SOBP: variants seen among roughly 807,000 people sequenced by gnomAD.
SOBP encodes the protein sine oculis-binding protein homolog.
Under a neutral mutation model 53.6 loss-of-function variants are expected in SOBP, and 4 were observed. That is an observed-to-expected ratio of 0.07 (90% confidence interval 0.04 to 0.17). The LOEUF is 0.17. SOBP is among the 10% of genes least tolerant of loss of function. The pLI is 1.00. For missense variants in SOBP, 1,088 were observed against 1,204.7 expected, an observed-to-expected ratio of 0.90 and a Z score of 1.43; for synonymous variants, 584 against 522.6, an observed-to-expected ratio of 1.12 and a Z score of -1.60.
intron 4 of SOBP, among the ~76,000 whole-genome samples, chr6:107,569,744 G>A (rs963851888): frequency 6.6e-6 from 1 of 152,226 alleles, no homozygotes; most frequent in Non-Finnish European, 1.5e-5. Context: ...GTGCAAAGTA[G>A]TGTGCTTTTC....
chr6:107,635,296 C>G lies in SOBP; in HGVS notation c.2452C>G (p.Leu818Val), dbSNP rs1770984213. ...CGCGGACGAGGACCATGCCTATGCT[C>G]TGCGGATGCTGCCCAAGACCGGCTG... is the stretch of plus-strand genomic sequence containing the variant. ...NPADEDHAYALRMLPKTGCVI... is the reference protein window; with the variant it reads ...NPADEDHAYAVRMLPKTGCVI... The change falls in exon 6 of 7, where the codon CTG becomes GTG. Residue 818 changes from leucine to valine, a missense_variant. Physicochemically the swap from Leu to Val is conservative, Grantham distance 32 (BLOSUM62 1). Transcript: ENST00000317357. The surrounding 1 kb of genome is among the most constrained non-coding windows in gnomAD (Gnocchi z 4.5). The G allele has an allele frequency of 1.9e-6, 3 of 1,613,884 alleles. No individual in the cohort carries two copies. The highest frequency in any genetic ancestry group is 2.5e-6 in the Non-Finnish European group (3 of 1,179,994).
chr6:107,499,848 A>G (rs1317976519), intron 1 of SOBP, among the ~76,000 whole-genome samples: 1 of 152,150 alleles, frequency 6.6e-6, no homozygotes, highest in African/African-American at 2.4e-5. Context: ...TTGTTTTATT[A>G]CTGAACATCC....
rs71810335 is a variant in SOBP at position 107,602,568 on chromosome 6, TAA to T, written c.669+15411_669+15412del. Among the ~76,000 whole-genome samples the T allele has an allele frequency of 1.3e-3, 136 of 102,728 alleles. 1 individual carries two copies. In the South Asian group the frequency reaches 0.028, roughly 21 times the overall value. The allele number at this position is 102,728 out of a possible 152,430, so 67.4% of individuals were successfully genotyped here. ...CCTCTGCATAGCAACTAAGCCGCGT[TAA>T]AAAAAAAAAAAAAAAAAGGAAAGGG... is the stretch of plus-strand genomic sequence containing the variant. On this transcript the variant is annotated intron_variant, in intron 5 of 6. Coordinates refer to ENST00000317357, the MANE Select transcript of SOBP (RefSeq NM_018013.4).
chr6:107,570,435 C>T (rs762609496), intron 4 of SOBP, among the ~76,000 whole-genome samples: 3 of 152,220 alleles, frequency 2.0e-5, no homozygotes, highest in Non-Finnish European at 4.4e-5. Flanking sequence ...TCACCACCTT[C>T]CTTGGCTTTA....
At chr6:107,614,428 A>G (rs1012170435) in intron 5 of SOBP, among the ~76,000 whole-genome samples, 35 of 152,148 alleles carry the variant, frequency 2.3e-4, no homozygotes, top group Non-Finnish European at 3.5e-4. Context: ...TTGGGACAAA[A>G]AGGCCAGGGA....
intron 5 of SOBP, among the ~76,000 whole-genome samples, chr6:107,592,610 A>C (rs990118052): frequency 1.3e-5 from 2 of 152,210 alleles, no homozygotes; most frequent in Non-Finnish European, 2.9e-5. Context: ...TAAAATCATG[A>C]TGACACACTG....
At chr6:107,607,980 T>C (rs1786451303) in intron 5 of SOBP, among the ~76,000 whole-genome samples, 1 of 152,216 alleles carries the variant, frequency 6.6e-6, no homozygotes, top group Non-Finnish European at 1.5e-5. Flanking sequence ...AAGGATGGGC[T>C]ACCCACTCAC....
At chr6:107,615,764 A>G (rs929200551) in intron 5 of SOBP, among the ~76,000 whole-genome samples, 21 of 152,160 alleles carry the variant, frequency 1.4e-4, no homozygotes, top group African/African-American at 4.8e-4. Flanking sequence ...AATCAATTCC[A>G]GTTATGGACG....
In SOBP at chr6:107,633,753, G is replaced by T. The variant is rs766299544; in HGVS notation, c.909G>T (p.Pro303=). Residue 303 remains proline, a synonymous_variant, in exon 6 of 7, where the codon CCG becomes CCT. Coordinates refer to ENST00000317357, the MANE Select transcript of SOBP (RefSeq NM_018013.4). The part of the protein sequence containing the change: ...QLLTPDSWNI[P]LTDARRKAPS... ...TCACTCCAGACTCTTGGAATATCCC[G>T]CTAACAGATGCTCGGAGGAAGGCCC... 6.2e-7 allele frequency: 1 copy of T among 1,614,208 alleles called. No individual in the cohort carries two copies. The highest frequency in any genetic ancestry group is 1.3e-5 in the African/African-American group (1 of 75,062).
intron 4 of SOBP, among the ~76,000 whole-genome samples, chr6:107,573,247 G>T (rs115360293): frequency 1.3e-5 from 2 of 152,214 alleles, no homozygotes; most frequent in African/African-American, 4.8e-5. Flanking sequence ...ATTGGCATTT[G>T]CAGTGGGATG....
rs9486660 is a variant in SOBP at position 107,644,551 on chromosome 6, G to A, written c.*3+9082G>A. On this transcript the variant is annotated intron_variant, in intron 6 of 6. Transcript: ENST00000317357. ...GGAGGGGGAAACCCTTTTTCCAAAC[G>A]CAGAATCCATTTAAGCTTTGGAGGT... 2.3e-3 allele frequency among the ~76,000 whole-genome samples: 350 copies of A among 152,196 alleles called. 2 individuals are homozygous for A. Among genetic ancestry groups the A allele is most frequent in the African/African-American group, 8.0e-3 (334 of 41,526 alleles).
In SOBP at chr6:107,634,115, G is replaced by A; in HGVS notation, c.1271G>A (p.Ser424Asn). 6.2e-7 allele frequency: 1 copy of A among 1,605,038 alleles called. No homozygotes were observed. The highest frequency in any genetic ancestry group is 8.5e-7 in the Non-Finnish European group (1 of 1,175,856). Residue 424 changes from serine to asparagine, a missense_variant, in exon 6 of 7, where the codon AGC becomes AAC. Physicochemically the swap from Ser to Asn is conservative, Grantham distance 46 (BLOSUM62 1). Transcript: ENST00000317357. This position sits in a 1 kb window ranked among gnomAD's most constrained non-coding sequence, Gnocchi z 4.5. ...GPPHHASNPNSPLSNPMLPGI... is the reference protein window; with the variant it reads ...GPPHHASNPNNPLSNPMLPGI... Reference sequence around the variant, plus strand: ...CCGCACCATGCCTCCAACCCCAACAGCCCCCTGTCCAACCCCATGCTTCCC... The same window carrying A: ...CCGCACCATGCCTCCAACCCCAACAACCCCCTGTCCAACCCCATGCTTCCC...
At chr6:107,590,698 G>A (rs1423851049) in intron 5 of SOBP, among the ~76,000 whole-genome samples, 1 of 152,152 alleles carries the variant, frequency 6.6e-6, no homozygotes, top group East Asian at 1.9e-4. Flanking sequence ...GCCTGTGTAG[G>A]GAGTATATGA....
intron 3 of SOBP, among the ~76,000 whole-genome samples, chr6:107,523,319 A>G (rs1274672389): frequency 6.6e-6 from 1 of 152,246 alleles, no homozygotes; most frequent in Non-Finnish European, 1.5e-5. Flanking sequence ...TCTCTCAACC[A>G]ATCTTTGCTC....
intron 5 of SOBP, among the ~76,000 whole-genome samples, chr6:107,631,034 AAGTG>A (rs1210806454): frequency 1.3e-5 from 2 of 152,190 alleles, no homozygotes; most frequent in African/African-American, 4.8e-5. Flanking sequence ...GGATTACTGA[AAGTG>A]AAGGAAGGGA....
chr6:107,509,639 C>T lies in SOBP; in HGVS notation c.421+3212C>T, dbSNP rs1435106926. Among the ~76,000 whole-genome samples the T allele has an allele frequency of 2.0e-5, 3 of 152,078 alleles. No individual in the cohort carries two copies. In the South Asian group the frequency reaches 6.2e-4, roughly 32 times the overall value. On this transcript the variant is annotated intron_variant, in intron 3 of 6. Transcript: ENST00000317357. Reference sequence around the variant, plus strand: ...AAGTTTGGCATGCCAAAAAACCTGCCCTGGAGTTTCCTGCTGAGCCAGCCA... The same window carrying T: ...AAGTTTGGCATGCCAAAAAACCTGCTCTGGAGTTTCCTGCTGAGCCAGCCA...
In SOBP at chr6:107,490,715, A is replaced by AT; in HGVS notation, c.96+9dup. 1 of 1,589,118 alleles carries AT rather than the reference A, an allele frequency of 6.3e-7. No individual in the cohort carries two copies. Among genetic ancestry groups the AT allele is most frequent in the South Asian group, 1.1e-5 (1 of 88,228 alleles). The stretch of plus-strand genomic sequence containing the variant: ...GGGAGATCAATGAGGAGATGAAGGT[A>AT]TTTTTTGATCTCGGGGGCCAGGGAG... On this transcript the variant is annotated splice_donor_region_variant and intron_variant, in intron 1 of 6. Transcript: ENST00000317357.
chr6:107,512,921 C>CAG (rs2114959376), intron 3 of SOBP, among the ~76,000 whole-genome samples: 1 of 152,220 alleles, frequency 6.6e-6, no homozygotes, highest in Non-Finnish European at 1.5e-5. Flanking sequence ...ATTCCAAGTC[C>CAG]AGAATCCCTG....
At chr6:107,496,315 T>C (rs1331771850) in intron 1 of SOBP, among the ~76,000 whole-genome samples, 1 of 152,220 alleles carries the variant, frequency 6.6e-6, no homozygotes, top group Non-Finnish European at 1.5e-5. Flanking sequence ...GTATTCACAA[T>C]TTCACAGCAT....
Sources: gnomAD v4.1 joint callset for allele counts (sites outside exome capture counted in the v4.1 genomes callset) on GRCh38, gnomAD v4.1.1 for gene constraint, Gnocchi (gnomAD v3.1) non-coding constraint, MANE v1.5 for transcripts, NCBI Gene and HGNC (gene_info 2026-07-23, HGNC 2026-07-21) for gene names.